NRXN3: variants seen among roughly 807,000 people sequenced by gnomAD.
NRXN3 encodes neurexin 3.
Under a neutral mutation model 137.6 loss-of-function variants are expected in NRXN3, and 32 were observed. That is an observed-to-expected ratio of 0.23 (90% CI 0.18 to 0.31). The LOEUF (loss-of-function observed/expected upper bound fraction) is 0.31, where lower values mean the gene tolerates loss of function less well. Ranked by LOEUF, NRXN3 falls within the 10% of genes least tolerant of loss-of-function variation. The probability of loss-of-function intolerance (pLI) is 1.00; values close to 1 mark genes in which losing one functional copy is unlikely to be tolerated. For missense variants in NRXN3, 1,574 were observed against 2,062.5 expected (o/e 0.76, Z 4.59); for synonymous variants, 798 against 784.5 (o/e 1.02, Z -0.29).
At chr14:78,851,683 G>A (rs1399405610) in intron 10 of NRXN3, among the ~76,000 whole-genome samples, 1 of 152,184 alleles carries the variant, frequency 6.6e-6, no homozygotes, top group Admixed American at 6.5e-5. Context: ...GGGAGGCCAG[G>A]CATGTCACTC....
intron 10 of NRXN3, among the ~76,000 whole-genome samples, chr14:78,943,616 AAAAAAATATAT>A (rs1394213993): frequency 1.3e-3 from 55 of 41,020 alleles, no homozygotes; most frequent in Non-Finnish European, 2.0e-3. Flanking sequence ...CTGTTAAAAA[AAAAAAATATAT>A]ATATATATAT....
chr14:78,910,332 G>T (rs1260993802), intron 10 of NRXN3, among the ~76,000 whole-genome samples: 5 of 152,100 alleles, frequency 3.3e-5, no homozygotes, highest in African/African-American at 1.2e-4. Context: ...TTTGTGGGGT[G>T]CAGATATAAG....
chr14:78,568,961 G>GTTTTTTTTTTTTTT (rs34485878), intron 4 of NRXN3, among the ~76,000 whole-genome samples: 17 of 103,748 alleles, frequency 1.6e-4, no homozygotes, highest in African/African-American at 6.5e-4. Context: ...GACTTTGCAG[G>GTTTTTTTTTTTTTT]TTTTTTTTTT....
chr14:78,630,047 A>G (rs1027818248), intron 4 of NRXN3, among the ~76,000 whole-genome samples: 1 of 152,182 alleles, frequency 6.6e-6, no homozygotes, highest in African/African-American at 2.4e-5. Flanking sequence ...CTGACATCTG[A>G]TCCATGTAGA....
chr14:78,356,058 A>G (rs1307348857), intron 4 of NRXN3, among the ~76,000 whole-genome samples: 5 of 152,244 alleles, frequency 3.3e-5, no homozygotes, highest in Non-Finnish European at 7.3e-5. Flanking sequence ...AGAATGTTTG[A>G]TGAGAGAGGA....
At chr14:79,456,537 G>T (rs1458131373) in intron 15 of NRXN3, among the ~76,000 whole-genome samples, 1 of 152,112 alleles carries the variant, frequency 6.6e-6, no homozygotes, top group Non-Finnish European at 1.5e-5. Context: ...GACCAGCCTG[G>T]ACAACATAGT....
At chr14:78,808,249 C>T (rs528479065) in intron 9 of NRXN3, among the ~76,000 whole-genome samples, 2 of 152,258 alleles carry the variant, frequency 1.3e-5, no homozygotes, top group East Asian at 3.9e-4. Flanking sequence ...GTTTAAAGAC[C>T]GCATCCACTT....
At chr14:78,279,194 A>G (rs1014642538) in intron 3 of NRXN3, among the ~76,000 whole-genome samples, 6 of 151,722 alleles carry the variant, frequency 4.0e-5, no homozygotes, top group Non-Finnish European at 8.8e-5. Context: ...CTCACTGTGG[A>G]AAAAAAAAGC....
chr14:79,519,469 T>C (rs1225057645), intron 16 of NRXN3, among the ~76,000 whole-genome samples: 1 of 152,112 alleles, frequency 6.6e-6, no homozygotes, highest in African/African-American at 2.4e-5. Context: ...TTTATGTTTG[T>C]TTAAAAATTT....
chr14:79,697,924 C>T lies in NRXN3; in HGVS notation c.4001C>T (p.Thr1334Ile), dbSNP rs890053373. ...ATTTTRKNRS[T>I]ASIQPTSDDL... is the part of the protein sequence containing the mutation. The stretch of plus-strand genomic sequence containing the variant: ...ACCACAACCCGTAAGAATCGCTCTA[C>T]AGCCAGCATTCAGGTAGGCCTTTTT... Residue 1334 changes from threonine to isoleucine, a missense_variant, in exon 19 of 21, where the codon ACA becomes ATA. Transcript: ENST00000335750. 3 of 1,610,026 alleles carry T rather than the reference C, an allele frequency of 1.9e-6. No homozygotes were observed. The highest frequency in any genetic ancestry group is 2.5e-6 in the Non-Finnish European group (3 of 1,176,744).
chr14:78,444,599 T>G (rs1443399611), intron 4 of NRXN3, among the ~76,000 whole-genome samples: 1 of 152,154 alleles, frequency 6.6e-6, no homozygotes, highest in Admixed American at 6.5e-5. Context: ...GTCATGTTGT[T>G]TATGGATCTG....
chr14:78,498,982 T>C (rs1288521493), intron 4 of NRXN3, among the ~76,000 whole-genome samples: 6 of 152,136 alleles, frequency 3.9e-5, no homozygotes, highest in African/African-American at 1.2e-4. Context: ...TGTTAGCTTC[T>C]CTGTACCTTA....
At chr14:78,546,358 G>T (rs2096636554) in intron 4 of NRXN3, among the ~76,000 whole-genome samples, 1 of 152,176 alleles carries the variant, frequency 6.6e-6, no homozygotes, top group Admixed American at 6.5e-5. Context: ...ATTTAGCTGA[G>T]CACTTCTGTA....
intron 4 of NRXN3, among the ~76,000 whole-genome samples, chr14:78,348,985 A>G (rs954937510): frequency 1.3e-5 from 2 of 152,210 alleles, no homozygotes; most frequent in Non-Finnish European, 2.9e-5. Flanking sequence ...CAGCCAATTT[A>G]TTAACCAAGA....
At position 79,196,952 on chromosome 14, in the gene NRXN3, T is replaced by C. The variant is rs1000517547; in HGVS notation, c.3262+208811T>C. ...CTTGAGACTGGCTAAATGGCTCCAC[T>C]AATCTCAGCTGGGCTCACTCAAGGG... On this transcript the variant is annotated intron_variant, in intron 15 of 20. Transcript: ENST00000335750. Among the ~76,000 whole-genome samples the C allele has an allele frequency of 2.0e-5, 3 of 152,310 alleles. No individual in the cohort carries two copies. The East Asian group carries it at 5.8e-4, about 29-fold the overall frequency.
intron 10 of NRXN3, among the ~76,000 whole-genome samples, chr14:78,859,835 A>C (rs1167497710): frequency 2.0e-5 from 3 of 152,142 alleles, no homozygotes; most frequent in Non-Finnish European, 4.4e-5. Flanking sequence ...GGAAGTAGTG[A>C]AGAAGACACA....
chr14:79,761,847 G>A (rs2099039905), intron 19 of NRXN3, among the ~76,000 whole-genome samples: 1 of 151,536 alleles, frequency 6.6e-6, no homozygotes, highest in Non-Finnish European at 1.5e-5. Flanking sequence ...CATGTGTTCT[G>A]GCTAAAGGCC....
chr14:78,257,901 C>T lies in NRXN3; in HGVS notation c.709+14099C>T, dbSNP rs533029816. ...GGGAAGCTAGATAGAAGCTATTGTA[C>T]GGTTTTGGTGAGAGAGGAGTCTGTA... is the stretch of plus-strand genomic sequence containing the variant. On this transcript the variant is annotated intron_variant, in intron 2 of 20. Coordinates refer to ENST00000335750, the MANE Select transcript of NRXN3 (RefSeq NM_001330195.2). Among the ~76,000 whole-genome samples the T allele has an allele frequency of 5.3e-5, 8 of 152,044 alleles. No homozygotes were observed. The East Asian group carries it at 7.7e-4, about 15-fold the overall frequency.
chr14:78,224,464 C>G (rs552247829), intron 1 of NRXN3, among the ~76,000 whole-genome samples: 3 of 151,956 alleles, frequency 2.0e-5, no homozygotes, highest in African/African-American at 7.2e-5. Context: ...TGTGATGTTC[C>G]CCTTCCTGTG....
Sources: allele counts gnomAD v4.1 joint callset (sites outside exome capture counted in the v4.1 genomes callset), GRCh38; gene constraint gnomAD v4.1.1; transcripts MANE v1.5; gene names NCBI Gene and HGNC (gene_info 2026-07-23, HGNC 2026-07-21).